MLLT10: variants seen among roughly 807,000 people sequenced by gnomAD.
The protein encoded by MLLT10 is MLLT10 histone lysine methyltransferase DOT1L cofactor.
A neutral mutation model predicts 129.1 loss-of-function variants in MLLT10; 30 were observed. The ratio of observed to expected loss-of-function variants is 0.23; its 90% CI spans 0.17 to 0.32. The LOEUF (loss-of-function observed/expected upper bound fraction) is 0.32, where lower values mean the gene tolerates loss of function less well. Among genes scored for constraint, MLLT10 ranks in the 10% least tolerant of loss-of-function variants. MLLT10 has a pLI of 1.00. For missense variants in MLLT10, 1,119 were observed against 1,268.3 expected, an observed-to-expected ratio of 0.88 and a Z score of 1.79; for synonymous variants, 490 against 446.4, an observed-to-expected ratio of 1.10 and a Z score of -1.23.
chr10:21,639,272 C>T (rs1481800406), intron 8 of MLLT10, among the ~76,000 whole-genome samples: 1 of 152,190 alleles, frequency 6.6e-6, no homozygotes, highest in Non-Finnish European at 1.5e-5. Flanking sequence ...CAGACATCAT[C>T]TGCGTTTGGA....
chr10:21,646,368 T>A (rs966430801), intron 8 of MLLT10, among the ~76,000 whole-genome samples: 1 of 152,216 alleles, frequency 6.6e-6, no homozygotes, highest in Non-Finnish European at 1.5e-5. Flanking sequence ...TTGGTAATGT[T>A]ATTATTATAA....
Position 21,534,276 on chromosome 10 carries a change from C to T in MLLT10, c.-245C>T, listed in dbSNP as rs983234841. ...CCGAGGAGGAAGCGCAGCCCCCTTCCCCTCCCTCGCTGCCCCTGGCCCAGC... is the reference window on the plus strand; with the variant it reads ...CCGAGGAGGAAGCGCAGCCCCCTTCTCCTCCCTCGCTGCCCCTGGCCCAGC... On this transcript the variant is annotated 5_prime_UTR_variant, in exon 1 of 23. Coordinates refer to ENST00000307729, the MANE Select transcript of MLLT10 (RefSeq NM_001195626.3). The T allele has an allele frequency of 7.5e-6, 3 of 400,426 alleles. No individual in the cohort carries two copies. Among genetic ancestry groups the T allele is most frequent in the Non-Finnish European group, 1.3e-5 (3 of 226,768 alleles). 24.8% of individuals were successfully genotyped at this position (400,426 alleles called of 1,614,324 possible).
Position 21,670,587 on chromosome 10 carries a change from G to A in MLLT10, c.934G>A (p.Gly312Arg). 6.2e-7 allele frequency: 1 copy of A among 1,614,166 alleles called. No homozygotes were observed. The highest frequency in any genetic ancestry group is 1.7e-5 in the Admixed American group (1 of 60,030). ...SSGKDVSETR[G>R]SEGKGKKSSA... is the part of the protein sequence containing the mutation. ...TGGAAAAGATGTTTCAGAGACTAGAGGGTCAGAGGGCAAAGGGAAGAAATC... is the reference window on the plus strand; with the variant it reads ...TGGAAAAGATGTTTCAGAGACTAGAAGGTCAGAGGGCAAAGGGAAGAAATC... Residue 312 changes from glycine (G) to arginine (R), a missense_variant, in exon 10 of 23, where the codon GGG (glycine) becomes AGG (arginine). Physicochemically the swap from Gly to Arg is moderately radical, Grantham distance 125. Coordinates refer to ENST00000307729, the MANE Select transcript of MLLT10 (RefSeq NM_001195626.3).
chr10:21,564,209 G>A (rs1291949360), intron 3 of MLLT10, among the ~76,000 whole-genome samples: 1 of 152,030 alleles, frequency 6.6e-6, no homozygotes, highest in African/African-American at 2.4e-5. Flanking sequence ...TTAACCCTCC[G>A]CGTAGCTGGG....
At chr10:21,579,080 A>G (rs1405773754) in intron 3 of MLLT10, among the ~76,000 whole-genome samples, 2 of 152,150 alleles carry the variant, frequency 1.3e-5, no homozygotes, top group East Asian at 1.9e-4. Flanking sequence ...CTTTTATCTG[A>G]AAGTACCTAT....
At chr10:21,620,445 A>G (rs2045696888) in intron 8 of MLLT10, among the ~76,000 whole-genome samples, 1 of 152,188 alleles carries the variant, frequency 6.6e-6, no homozygotes, top group Non-Finnish European at 1.5e-5. Context: ...CCATGGAGTT[A>G]TGTCAGGATA....
upstream of MLLT10, chr10:21,534,133 C>T (rs1482037086): frequency 2.4e-5 from 8 of 334,694 alleles, no homozygotes; most frequent in East Asian, 4.4e-5. Flanking sequence ...GGGGACGGGG[C>T]CCCGGAGGTA....
At chr10:21,717,522 T>TCCTCCTCCA (rs2056698639) in intron 14 of MLLT10, among the ~76,000 whole-genome samples, 1 of 101,172 alleles carries the variant, frequency 9.9e-6, no homozygotes, top group African/African-American at 4.6e-5. Context: ...CTCCACCACC[T>TCCTCCTCCA]CCTCCTCCTC....
chr10:21,719,649 C>G (rs947632189), intron 14 of MLLT10, among the ~76,000 whole-genome samples: 14 of 152,208 alleles, frequency 9.2e-5, no homozygotes, highest in Admixed American at 1.3e-4. Context: ...AGTTTTGCTA[C>G]TCACTTGTAT....
intron 11 of MLLT10, among the ~76,000 whole-genome samples, chr10:21,680,432 C>T (rs1461579311): frequency 3.9e-5 from 6 of 152,056 alleles, no homozygotes; most frequent in Admixed American, 3.3e-4. Context: ...TCTCAAACTC[C>T]TGACCTCAAG....
At chr10:21,681,882 G>A (rs752125409) in intron 12 of MLLT10, among the ~76,000 whole-genome samples, 1 of 151,990 alleles carries the variant, frequency 6.6e-6, no homozygotes, top group African/African-American at 2.4e-5. Context: ...ATATAGATTT[G>A]CATCCTACAG....
intron 8 of MLLT10, among the ~76,000 whole-genome samples, chr10:21,639,332 CCCACAGGA>C (rs1292840021): frequency 6.6e-6 from 1 of 152,168 alleles, no homozygotes; most frequent in Non-Finnish European, 1.5e-5. Context: ...GGAACTCAGT[CCCACAGGA>C]CTGAGCCTCA....
intron 3 of MLLT10, among the ~76,000 whole-genome samples, chr10:21,564,818 C>T (rs550622926): frequency 6.8e-6 from 1 of 148,016 alleles, no homozygotes; most frequent in South Asian, 2.1e-4. Flanking sequence ...GAGCGAAACT[C>T]CATCTCAAAA....
intron 9 of MLLT10, among the ~76,000 whole-genome samples, chr10:21,655,380 C>CT (rs1157901323): frequency 6.6e-6 from 1 of 152,100 alleles, no homozygotes; most frequent in Non-Finnish European, 1.5e-5. Context: ...AATACTCAGA[C>CT]CTTTGTTGCT....
chr10:21,578,626 A>G (rs2041041975), intron 3 of MLLT10, among the ~76,000 whole-genome samples: 1 of 152,166 alleles, frequency 6.6e-6, no homozygotes, highest in African/African-American at 2.4e-5. Flanking sequence ...TTTTGAATTA[A>G]TTTTTAAGTA....
At chr10:21,596,081 T>G (rs962797913) in intron 5 of MLLT10, among the ~76,000 whole-genome samples, 9 of 152,108 alleles carry the variant, frequency 5.9e-5, no homozygotes, top group Admixed American at 3.3e-4. Flanking sequence ...CAGCCAGCTT[T>G]AAGATTTTAA....
intron 22 of MLLT10, 129 bp from the exon 23 acceptor site, chr10:21,741,810 C>T: frequency 2.3e-6 from 2 of 878,460 alleles, no homozygotes; most frequent in South Asian, 1.7e-5. Flanking sequence ...TGCAAGTAGC[C>T]TTGCCAACTT....
intron 13 of MLLT10, among the ~76,000 whole-genome samples, chr10:21,700,077 G>A (rs78963087): frequency 0.16 from 23,464 of 149,224 alleles, 2,352 homozygotes; most frequent in Non-Finnish European, 0.23. Flanking sequence ...TTTTCTTGTA[G>A]AGATCTTTCA....
chr10:21,717,722 C>CTCCTCT lies in MLLT10; in HGVS notation c.1878+3777_1878+3778insTTCCTC, dbSNP rs1554864395. On this transcript the variant is annotated intron_variant, in intron 14 of 22. Transcript: ENST00000307729. ...CCTCTTCCTCCTCCTCCTCTTCCTC[C>CTCCTCT]TCCTCCTCCTCCTCTTCCTCCTCCT... Among the ~76,000 whole-genome samples, 23 of 61,894 alleles carry CTCCTCT rather than the reference C, an allele frequency of 3.7e-4. 3 individuals are homozygous for CTCCTCT. Among genetic ancestry groups the CTCCTCT allele is most frequent in the African/African-American group, 1.5e-3 (20 of 13,162 alleles). The allele number at this position is 61,894 out of a possible 152,430, so 40.6% of individuals were successfully genotyped here. A position where few individuals can be genotyped will look rare whatever the true frequency, so the allele number is the denominator to read the frequency against.
Sources: allele counts gnomAD v4.1 joint callset (sites outside exome capture counted in the v4.1 genomes callset), GRCh38; gene constraint gnomAD v4.1.1; transcripts MANE v1.5; gene names NCBI Gene and HGNC (gene_info 2026-07-23, HGNC 2026-07-21).